Variants in EIF5A2 observed in about 807,000 individuals in gnomAD.
The protein encoded by EIF5A2 is eukaryotic translation initiation factor 5A-2.
In EIF5A2, 15 loss-of-function variants were observed where a neutral mutation model predicts 16.4. The observed-to-expected ratio is 0.92, with a 90% CI of 0.61 to 1.41. EIF5A2 has a LOEUF of 1.41. Ranked by LOEUF, EIF5A2 falls within the 40% of genes most tolerant of loss-of-function variation. The pLI, the probability that EIF5A2 is intolerant of heterozygous loss-of-function variation, is 0.00. For missense variants in EIF5A2, 144 were observed against 189.5 expected (o/e 0.76, Z 1.41); for synonymous variants, 48 against 61.1 (o/e 0.79, Z 1.00).
chr3:170,904,005 A>G (rs1243104437), intron 3 of EIF5A2, among the ~76,000 whole-genome samples: 2 of 152,226 alleles, frequency 1.3e-5, no homozygotes, highest in African/African-American at 4.8e-5. Flanking sequence ...CTTGTGGTGA[A>G]GTTCATATCA....
Position 170,907,701 on chromosome 3 carries a change from G to A in EIF5A2, c.106C>T (p.Arg36Ter), listed in dbSNP as rs762468941. Residue 36 changes from arginine (R) to a stop codon, truncating the protein, a stop_gained, in exon 2 of 5, where the codon CGA becomes TGA. Transcript: ENST00000295822. LOFTEE classifies it high-confidence loss of function. Reference sequence around the variant, plus strand: ...GACATCTCCACTATTTTGCATGGTCGTCCTTTGAGCACCACGAAGCCGTTT... The same window carrying A: ...GACATCTCCACTATTTTGCATGGTCATCCTTTGAGCACCACGAAGCCGTTT... ...RKNGFVVLKG[R>*]PCKIVEMSTS... is the part of the protein sequence containing the mutation. 1.9e-6 allele frequency: 3 copies of A among 1,610,562 alleles called. No individual in the cohort carries two copies. The highest frequency in any genetic ancestry group is 2.5e-6 in the Non-Finnish European group (3 of 1,177,238).
intron 2 of EIF5A2, 24 bp downstream of exon 2, chr3:170,907,618 A>C (rs766894414): frequency 3.2e-5 from 50 of 1,562,928 alleles, no homozygotes; most frequent in Non-Finnish European, 4.2e-5. Context: ...CCGAAGCCAA[A>C]GCCTGATCTG....
Position 170,892,472 on chromosome 3 carries a change from T to G in EIF5A2, c.*888A>C. On this transcript the variant is annotated 3_prime_UTR_variant, in exon 5 of 5. Transcript: ENST00000295822. Reference sequence around the variant, plus strand: ...AAGGAAGTTGGAAAGGAGTATTTACTGATAAATATTACTATTTATTCAACA... The same window carrying G: ...AAGGAAGTTGGAAAGGAGTATTTACGGATAAATATTACTATTTATTCAACA... 4.0e-6 allele frequency: 1 copy of G among 248,350 alleles called. No individual in the cohort carries two copies. The highest frequency in any genetic ancestry group is 7.6e-6 in the Non-Finnish European group (1 of 132,380). 15.4% of individuals were successfully genotyped at this position (248,350 alleles called of 1,614,324 possible).
At chr3:170,898,013 C>G (rs1374997972) in intron 3 of EIF5A2, among the ~76,000 whole-genome samples, 3 of 152,220 alleles carry the variant, frequency 2.0e-5, no homozygotes, top group Non-Finnish European at 4.4e-5. Context: ...AGCTTTAAGA[C>G]TGAATGGCTA....
chr3:170,895,583 T>C (rs887195127), intron 3 of EIF5A2, among the ~76,000 whole-genome samples: 3 of 152,216 alleles, frequency 2.0e-5, no homozygotes, highest in Admixed American at 2.0e-4. Flanking sequence ...CTGTAACCAC[T>C]ATGATATAAC....
Position 170,891,113 on chromosome 3 carries a change from T to G in EIF5A2, c.*2247A>C, listed in dbSNP as rs960523578. 1.3e-5 allele frequency: 2 copies of G among 152,540 alleles called. No individual in the cohort carries two copies. The highest frequency in any genetic ancestry group is 2.9e-5 in the Non-Finnish European group (2 of 68,004). The allele number at this position is 152,540 out of a possible 1,614,324, so 9.4% of individuals were successfully genotyped here. A position where few individuals can be genotyped will look rare whatever the true frequency, so the allele number is the denominator to read the frequency against. On this transcript the variant is annotated 3_prime_UTR_variant, in exon 5 of 5. Transcript: ENST00000295822. ...CAATTGAAAATATATTTATGTGAAA[T>G]TTTACAAGTTAGGAAGAACAGGGGC...
rs746595977 is a variant in EIF5A2 at position 170,888,651 on chromosome 3, T to C, written c.*4709A>G. 2 of 152,570 alleles carry C rather than the reference T, an allele frequency of 1.3e-5. No homozygotes were observed. The highest frequency in any genetic ancestry group is 2.9e-5 in the Non-Finnish European group (2 of 68,000). The allele number at this position is 152,570 out of a possible 1,614,324, so 9.5% of individuals were successfully genotyped here. On this transcript the variant is annotated 3_prime_UTR_variant, in exon 5 of 5. Transcript: ENST00000295822. ...GTTTTAGCGAAAACATTTGAGTTTC[T>C]GCAGGTAAAAGCAATAGTTCTCCTG...
chr3:170,908,204 C>G (rs369255930), intron 1 of EIF5A2, among the ~76,000 whole-genome samples: 116 of 152,318 alleles, frequency 7.6e-4, no homozygotes, highest in Middle Eastern at 3.4e-3. Context: ...GGGACCCAGC[C>G]CAGGCCGCAG....
chr3:170,895,329 C>T (rs867011374), intron 3 of EIF5A2, among the ~76,000 whole-genome samples: 5 of 151,316 alleles, frequency 3.3e-5, no homozygotes, highest in African/African-American at 7.3e-5. Context: ...GTATGGATAA[C>T]ATTAGTGAAA....
At chr3:170,893,501 T>C (rs1712585100) in intron 4 of EIF5A2, 82 bp from the exon 5 acceptor site, 1 of 1,440,226 alleles carries the variant, frequency 6.9e-7, no homozygotes, top group Middle Eastern at 1.8e-4. Flanking sequence ...ATATTGTATA[T>C]TTGTGGATAT....
chr3:170,906,688 G>A (rs989013508), intron 3 of EIF5A2, among the ~76,000 whole-genome samples: 1 of 152,098 alleles, frequency 6.6e-6, no homozygotes, highest in Admixed American at 6.5e-5. Context: ...AGAGAGAATA[G>A]TACTTTTACT....
At chr3:170,908,195 G>T (rs867050393) in intron 1 of EIF5A2, among the ~76,000 whole-genome samples, 2 of 152,200 alleles carry the variant, frequency 1.3e-5, no homozygotes, top group African/African-American at 4.8e-5. Flanking sequence ...CTACTGCGGG[G>T]GACCCAGCCC....
intron 3 of EIF5A2, among the ~76,000 whole-genome samples, chr3:170,902,475 C>G (rs1229082280): frequency 2.8e-5 from 4 of 141,316 alleles, no homozygotes; most frequent in African/African-American, 1.1e-4. Flanking sequence ...GTGATCTTGG[C>G]TCACTGCAAC....
At chr3:170,908,391 C>G (rs945972796) in intron 1 of EIF5A2, among the ~76,000 whole-genome samples, 152 bp downstream of exon 1, 1 of 152,194 alleles carries the variant, frequency 6.6e-6, no homozygotes, top group African/African-American at 2.4e-5. Context: ...AGGGCCTGAG[C>G]CCCGGCGGGT....
intron 3 of EIF5A2, among the ~76,000 whole-genome samples, chr3:170,904,532 C>T (rs999456795): frequency 6.6e-6 from 1 of 152,112 alleles, no homozygotes; most frequent in Non-Finnish European, 1.5e-5. Flanking sequence ...CCCACTCTGT[C>T]GCCCAGGCTA....
At chr3:170,901,010 C>T (rs1356013) in intron 3 of EIF5A2, among the ~76,000 whole-genome samples, 73,967 of 152,018 alleles carry the variant, frequency 0.49, 19,719 homozygotes, top group African/African-American at 0.73. Flanking sequence ...AGTAGTCCTG[C>T]TAAAGGAAAG....
Position 170,891,697 on chromosome 3 carries a change from G to GA in EIF5A2, c.*1662_*1663insT. On this transcript the variant is annotated 3_prime_UTR_variant, in exon 5 of 5. Coordinates refer to ENST00000295822, the MANE Select transcript of EIF5A2 (RefSeq NM_020390.6). ...CTAAGAGCCAGTCTTAGAGAATTAA[G>GA]GTATTTCTGAGATAGTGATTTTGTT... 1 of 152,586 alleles carries GA rather than the reference G, an allele frequency of 6.6e-6. No homozygotes were observed. Among genetic ancestry groups the GA allele is most frequent in the East Asian group, 1.9e-4 (1 of 5,174 alleles). The allele number at this position is 152,586 out of a possible 1,614,324, so 9.5% of individuals were successfully genotyped here. A position where few individuals can be genotyped will look rare whatever the true frequency, so the allele number is the denominator to read the frequency against.
intron 3 of EIF5A2, among the ~76,000 whole-genome samples, chr3:170,898,844 T>C (rs965232003): frequency 6.6e-6 from 1 of 151,822 alleles, no homozygotes; most frequent in African/African-American, 2.4e-5. Flanking sequence ...AATATATATA[T>C]ATATCATATA....
chr3:170,903,106 A>G (rs1712854693), intron 3 of EIF5A2, among the ~76,000 whole-genome samples: 2 of 151,948 alleles, frequency 1.3e-5, no homozygotes, highest in Non-Finnish European at 3.0e-5. Flanking sequence ...ACCTGACTGT[A>G]CCCCTTCCAT....
Sources: allele counts gnomAD v4.1 joint callset (sites outside exome capture counted in the v4.1 genomes callset), GRCh38; gene constraint gnomAD v4.1.1; transcripts MANE v1.5; gene names NCBI Gene and HGNC (gene_info 2026-07-23, HGNC 2026-07-21).